The following NPAS3 variants were observed in gnomAD, a reference collection of about 807,000 sequenced individuals.
The protein encoded by NPAS3 is neuronal PAS domain-containing protein 3.
In NPAS3, 14 loss-of-function variants were observed where a neutral mutation model predicts 73.1. That is an observed-to-expected ratio of 0.19 (90% CI 0.13 to 0.30). The LOEUF (loss-of-function observed/expected upper bound fraction) is 0.30. Ranked by LOEUF, NPAS3 falls within the 10% of genes least tolerant of loss-of-function variation. The pLI is 1.00. For synonymous variants in NPAS3, 620 were observed against 541.5 expected (o/e 1.14, Z -2.01); for missense variants, 1,096 against 1,250.0 (o/e 0.88, Z 1.86).
At chr14:33,766,982 C>T (rs2062483224) in intron 7 of NPAS3, among the ~76,000 whole-genome samples, 1 of 152,140 alleles carries the variant, frequency 6.6e-6, no homozygotes, top group Non-Finnish European at 1.5e-5. Flanking sequence ...ATCTGAGATC[C>T]TGTAAGGGAA....
intron 4 of NPAS3, among the ~76,000 whole-genome samples, chr14:33,475,964 T>C (rs887505910): frequency 1.3e-5 from 2 of 152,196 alleles, no homozygotes; most frequent in African/African-American, 4.8e-5. Context: ...AGAGCCTCAC[T>C]TCCCGTTTGA....
chr14:33,639,249 G>A (rs2058610898), intron 5 of NPAS3, among the ~76,000 whole-genome samples: 1 of 152,132 alleles, frequency 6.6e-6, no homozygotes, highest in Non-Finnish European at 1.5e-5. Flanking sequence ...ATCAGCAAAG[G>A]TGGATATATA....
intron 1 of NPAS3, among the ~76,000 whole-genome samples, chr14:33,054,626 T>C (rs1453031444): frequency 6.6e-6 from 1 of 151,776 alleles, no homozygotes; most frequent in Non-Finnish European, 1.5e-5. Flanking sequence ...TTTTTTTTTT[T>C]TTTTGAGACG....
At chr14:33,644,948 G>A (rs562284695) in intron 5 of NPAS3, among the ~76,000 whole-genome samples, 3 of 152,074 alleles carry the variant, frequency 2.0e-5, no homozygotes, top group Non-Finnish European at 4.4e-5. Flanking sequence ...AGGTGTGGTG[G>A]CGGGCACCTG....
chr14:33,176,645 C>T (rs575009682), intron 2 of NPAS3, among the ~76,000 whole-genome samples: 1 of 152,242 alleles, frequency 6.6e-6, no homozygotes, highest in East Asian at 1.9e-4. Context: ...GTTCTTTCCA[C>T]CTTTTGGCTA....
At chr14:33,030,894 AT>A (rs145086362) in intron 1 of NPAS3, among the ~76,000 whole-genome samples, 3 of 151,986 alleles carry the variant, frequency 2.0e-5, no homozygotes, top group East Asian at 3.9e-4. Context: ...TTTAATAGAC[AT>A]TTTTTTGTGT....
intron 2 of NPAS3, among the ~76,000 whole-genome samples, chr14:33,081,407 AGT>A (rs1208907741): frequency 6.6e-6 from 1 of 152,150 alleles, no homozygotes; most frequent in African/African-American, 2.4e-5. Flanking sequence ...CAAGTACTAA[AGT>A]GTGTGTGAGC....
rs190964012 is a variant in NPAS3 at position 33,334,966 on chromosome 14, A to G, written c.386-32220A>G. Among the ~76,000 whole-genome samples, 711 of 152,010 alleles carry G rather than the reference A, an allele frequency of 4.7e-3. 5 individuals carry two copies. The highest frequency in any genetic ancestry group is 0.016 in the African/African-American group (657 of 41,430). On this transcript the variant is annotated intron_variant, in intron 3 of 11. Coordinates refer to ENST00000356141, the Ensembl canonical transcript of NPAS3. Reference sequence around the variant, plus strand: ...TACTTCACTTAGAATAACAGTCTCAAATTCCATCCAGGTTGCAATGAATGC... The same window carrying G: ...TACTTCACTTAGAATAACAGTCTCAGATTCCATCCAGGTTGCAATGAATGC...
intron 4 of NPAS3, among the ~76,000 whole-genome samples, chr14:33,403,377 G>GA (rs1255597204): frequency 2.0e-5 from 3 of 151,958 alleles, no homozygotes; most frequent in South Asian, 2.1e-4. Context: ...CTAGGCCTAA[G>GA]AAAAAATGCA....
intron 2 of NPAS3, among the ~76,000 whole-genome samples, chr14:33,085,434 C>T (rs1015423570): frequency 5.9e-5 from 9 of 152,202 alleles, no homozygotes; most frequent in Admixed American, 2.6e-4. Context: ...ATGATAATCT[C>T]CTTCAGAAGG....
Position 33,800,906 on chromosome 14 carries a change from A to C in NPAS3, c.2599A>C (p.Thr867Pro). 6.2e-7 allele frequency: 1 copy of C among 1,608,462 alleles called. No homozygotes were observed. The highest frequency in any genetic ancestry group is 8.5e-7 in the Non-Finnish European group (1 of 1,177,980). Residue 867 changes from threonine to proline, a missense_variant, in exon 12 of 12, where the codon ACG becomes CCG. Physicochemically the swap from Thr to Pro is conservative, Grantham distance 38. Around this residue, in one of 5 missense-constraint regions of NPAS3, gnomAD observed 698 missense variants for 676.7 expected, o/e 1.03. Transcript: ENST00000356141. This position sits in a 1 kb window ranked among gnomAD's most constrained non-coding sequence, Gnocchi z 6.5. ...CCCCGGCTTTGGCCTCGACCCCAAG[A>C]CGCCCATGGAGATGCTCTACCACCA... is the stretch of plus-strand genomic sequence containing the variant.
chr14:33,540,168 A>C lies in NPAS3; in HGVS notation c.469-19953A>C, dbSNP rs116476297. 2.7e-3 allele frequency among the ~76,000 whole-genome samples: 409 copies of C among 152,310 alleles called. 1 individual carries two copies. Among genetic ancestry groups the C allele is most frequent in the African/African-American group, 9.3e-3 (388 of 41,564 alleles). ...AATTACCAAACTGTTTGTAATGAGA[A>C]TGTGAGGATGTGACCTCACAGCAAT... On this transcript the variant is annotated intron_variant, in intron 4 of 11. Coordinates refer to ENST00000356141, the Ensembl canonical transcript of NPAS3.
chr14:33,248,274 A>G (rs2048459596), intron 3 of NPAS3, among the ~76,000 whole-genome samples: 1 of 152,212 alleles, frequency 6.6e-6, no homozygotes, highest in Non-Finnish European at 1.5e-5. Context: ...TAGTCTGGAC[A>G]CTGCCACGTT....
chr14:33,030,647 AC>A (rs1443144238), intron 1 of NPAS3, among the ~76,000 whole-genome samples: 2 of 152,178 alleles, frequency 1.3e-5, no homozygotes, highest in African/African-American at 4.8e-5. Context: ...ACTCTGGACA[AC>A]AAGATACTCA....
intron 2 of NPAS3, among the ~76,000 whole-genome samples, chr14:33,067,661 G>A (rs983699510): frequency 6.6e-6 from 1 of 152,134 alleles, no homozygotes; most frequent in Non-Finnish European, 1.5e-5. Context: ...ACAAAAACAA[G>A]CCCTTGTATT....
chr14:33,159,595 C>T (rs1332228022), intron 2 of NPAS3, among the ~76,000 whole-genome samples: 1 of 148,628 alleles, frequency 6.7e-6, no homozygotes, highest in Non-Finnish European at 1.5e-5. Flanking sequence ...GCTCTGTCGC[C>T]CAGGCTGGAG....
At chr14:33,368,178 T>C (rs1305705428) in intron 4 of NPAS3, among the ~76,000 whole-genome samples, 1 of 152,154 alleles carries the variant, frequency 6.6e-6, no homozygotes, top group East Asian at 1.9e-4. Context: ...ATACTCCAGA[T>C]CCCTGTTCAT....
At chr14:33,367,113 G>T (rs748372887) in intron 3 of NPAS3, 73 bp from the exon 4 acceptor site, 51 of 699,082 alleles carry the variant, frequency 7.3e-5, no homozygotes, top group Non-Finnish European at 1.1e-4. Context: ...CCATTCAAGA[G>T]AAACTAAGCT....
At chr14:33,530,666 A>G (rs1379456313) in intron 4 of NPAS3, among the ~76,000 whole-genome samples, 1 of 151,842 alleles carries the variant, frequency 6.6e-6, no homozygotes, top group Non-Finnish European at 1.5e-5. Context: ...TCTTTCTCCT[A>G]CTTGACGTTT....
Sources: allele counts gnomAD v4.1 joint callset (sites outside exome capture counted in the v4.1 genomes callset), GRCh38; gene constraint gnomAD v4.1.1; regional missense constraint gnomAD v4.1.1; non-coding constraint Gnocchi (gnomAD v3.1); transcripts MANE v1.5; gene names NCBI Gene and HGNC (gene_info 2026-07-23, HGNC 2026-07-21).